The following TKT variants were observed in gnomAD, a reference collection of about 807,000 sequenced individuals.
TKT encodes transketolase, also known as epididymis luminal protein 107.
Under a neutral mutation model 63.9 loss-of-function variants are expected in TKT, and 47 were observed. That is an observed-to-expected ratio of 0.74 (90% CI 0.58 to 0.94). TKT has a LOEUF of 0.94. Ranked by LOEUF, TKT falls within the 40% of genes least tolerant of loss-of-function variation. TKT has a pLI of 0.00. For synonymous variants in TKT, 338 were observed against 334.1 expected (o/e 1.01, Z -0.13); for missense variants, 721 against 846.2 (o/e 0.85, Z 1.84).
Position 53,230,622 on chromosome 3 carries a change from CTG to C in TKT, c.943-3_943-2del. 3 of 1,614,090 alleles carry C rather than the reference CTG, an allele frequency of 1.9e-6. No homozygotes were observed. The highest frequency in any genetic ancestry group is 2.5e-6 in the Non-Finnish European group (3 of 1,179,978). On this transcript the variant is annotated splice_acceptor_variant and splice_polypyrimidine_tract_variant and intron_variant, in intron 7 of 13. Transcript: ENST00000462138. LOFTEE classifies it high-confidence loss of function. ...GCCCGTAGGCCTTGCGGGTGGCTATCTGTGAGGAAGAGAGTGGGAAGGCTCTG... is the reference window on the plus strand; with the variant it reads ...GCCCGTAGGCCTTGCGGGTGGCTATCTGAGGAAGAGAGTGGGAAGGCTCTG...
chr3:53,252,880 C>T (rs1204922046), intron 1 of TKT, among the ~76,000 whole-genome samples: 5 of 151,622 alleles, frequency 3.3e-5, no homozygotes, highest in African/African-American at 7.3e-5. Flanking sequence ...AATTTTGTTG[C>T]CCAGGCCAGA....
Position 53,225,409 on chromosome 3 carries a change from T to C in TKT, c.*347A>G, listed in dbSNP as rs1704455682. On this transcript the variant is annotated 3_prime_UTR_variant, in exon 14 of 14. Transcript: ENST00000462138. ...TGGACTGAGGTCACAATGAGGGATGTAGGTCTCAGCCTCTCAGCTAGAAGG... is the reference window on the plus strand; with the variant it reads ...TGGACTGAGGTCACAATGAGGGATGCAGGTCTCAGCCTCTCAGCTAGAAGG... 5.7e-6 allele frequency: 1 copy of C among 174,314 alleles called. No individual in the cohort carries two copies. The highest frequency in any genetic ancestry group is 1.2e-5 in the Non-Finnish European group (1 of 82,540). 10.8% of individuals were successfully genotyped at this position (174,314 alleles called of 1,614,324 possible). A position where few individuals can be genotyped will look rare whatever the true frequency, so the allele number is the denominator to read the frequency against.
intron 1 of TKT, among the ~76,000 whole-genome samples, chr3:53,251,590 GGC>G (rs1705749045): frequency 6.6e-6 from 1 of 152,210 alleles, no homozygotes; most frequent in Non-Finnish European, 1.5e-5. Context: ...GGTCAGCAAT[GGC>G]ATAGGAATGG....
At chr3:53,254,692 G>T (rs1221966307) in intron 1 of TKT, among the ~76,000 whole-genome samples, 1 of 152,162 alleles carries the variant, frequency 6.6e-6, no homozygotes, top group Non-Finnish European at 1.5e-5. Flanking sequence ...TAGAGCACTG[G>T]AGTCCTTGAA....
intron 12 of TKT, chr3:53,227,806 T>TC (rs1553675875): frequency 1.9e-5 from 8 of 419,080 alleles, no homozygotes; most frequent in East Asian, 5.1e-5. Context: ...GCCACCATGC[T>TC]GGGGGGGTCT....
intron 1 of TKT, 24 bp downstream of exon 1, chr3:53,255,811 TC>T (rs1553682196): frequency 4.9e-6 from 7 of 1,439,214 alleles, no homozygotes; most frequent in South Asian, 1.4e-5. Context: ...CCGAGCCGCG[TC>T]CCCGGCCGGC....
At chr3:53,247,249 T>C (rs7625237) in intron 1 of TKT, among the ~76,000 whole-genome samples, 100,338 of 149,408 alleles carry the variant, frequency 0.67, 34,102 homozygotes, top group Middle Eastern at 0.76. Context: ...CCCAGCTACT[T>C]GGGAGACTGA....
chr3:53,228,921 A>G, intron 10 of TKT, 86 bp downstream of exon 10: 4 of 1,557,684 alleles, frequency 2.6e-6, no homozygotes, highest in Non-Finnish European at 3.5e-6. Context: ...CCCCTGGGGC[A>G]GCAAGTGACC....
rs1704767626 is a variant in TKT, at chr3:53,231,666, TCATCCCAGACAGGCA to T, written c.749-131_749-117del. The T allele has an allele frequency of 6.1e-6, 7 of 1,150,758 alleles. No homozygotes were observed. The Admixed American group carries it at 8.0e-5, about 13-fold the overall frequency. 71.3% of individuals were successfully genotyped at this position (1,150,758 alleles called of 1,614,324 possible). A position where few individuals can be genotyped will look rare whatever the true frequency, so the allele number is the denominator to read the frequency against. ...TGCCGAGGGCAAGGGAGGAATGGCATCATCCCAGACAGGCAGAGCCCAGCCAGGCACGGGGGCCAG... is the reference window on the plus strand; with the variant it reads ...TGCCGAGGGCAAGGGAGGAATGGCATGAGCCCAGCCAGGCACGGGGGCCAG... On this transcript the variant is annotated intron_variant, in intron 6 of 13. Coordinates refer to ENST00000462138, the MANE Select transcript of TKT (RefSeq NM_001064.4).
intron 4 of TKT, among the ~76,000 whole-genome samples, chr3:53,238,765 G>C (rs1208747513): frequency 6.6e-6 from 1 of 152,210 alleles, no homozygotes. Context: ...GGATGGCCTA[G>C]GCCAGCATCT....
chr3:53,242,253 G>A lies in TKT; in HGVS notation c.108-11C>T. ...CATGACGTGGGGTGGCTGTGGCCCA[G>A]GAGAGAAGACAGACACAGGCATCAT... On this transcript the variant is annotated splice_polypyrimidine_tract_variant and intron_variant, in intron 1 of 13. Coordinates refer to ENST00000462138, the MANE Select transcript of TKT (RefSeq NM_001064.4). 6.2e-7 allele frequency: 1 copy of A among 1,613,120 alleles called. No individual in the cohort carries two copies. The highest frequency in any genetic ancestry group is 8.5e-7 in the Non-Finnish European group (1 of 1,179,410).
At position 53,235,032 on chromosome 3, in the gene TKT, G is replaced by C. The variant is rs782629032; in HGVS notation, c.580C>G (p.Pro194Ala). 1.9e-6 allele frequency: 3 copies of C among 1,613,782 alleles called. No homozygotes were observed. In the Admixed American group the frequency reaches 5.0e-5, roughly 27 times the overall value. Residue 194 changes from proline to alanine, a missense_variant, in exon 5 of 14, where the codon CCA becomes GCA. Pro to Ala is a conservative substitution (Grantham distance 27). Transcript: ENST00000462138. ...TAGATGTCCATCTGGTGCTGCAGTG[G>C]GGCCGGGTCACTCTGGCCCAGGCGA... ...INRLGQSDPA[P>A]LQHQMDIYQK...
At position 53,228,315 on chromosome 3, in the gene TKT, G is replaced by C. The variant is rs781900352; in HGVS notation, c.1440C>G (p.Ile480Met). 1.2e-6 allele frequency: 2 copies of C among 1,614,204 alleles called. No individual in the cohort carries two copies. The highest frequency in any genetic ancestry group is 1.3e-5 in the African/African-American group (1 of 75,046). The change falls in exon 11 of 14, where the codon ATC becomes ATG. Residue 480 changes from isoleucine (I) to methionine (M), a missense_variant. Ile to Met is a conservative substitution (Grantham distance 10). Transcript: ENST00000462138. ...CCTGGAAGTCCTCATTGTTGTTATA[G>C]ATGATGGCATTTTCTGGGCGGCTGG... ...IRTSRPENAI[I>M]YNNNEDFQVG...
At chr3:53,239,784 C>A (rs1705191609) in intron 4 of TKT, among the ~76,000 whole-genome samples, 1 of 152,162 alleles carries the variant, frequency 6.6e-6, no homozygotes, top group Non-Finnish European at 1.5e-5. Context: ...TACAGGTATC[C>A]CAGAACCCCT....
Position 53,248,666 on chromosome 3 carries a change from G to A in TKT, c.108-6424C>T, listed in dbSNP as rs529567888. Among the ~76,000 whole-genome samples the A allele has an allele frequency of 2.6e-5, 4 of 151,254 alleles. No homozygotes were observed. The South Asian group carries it at 8.4e-4, about 32-fold the overall frequency. ...AAAAAGGAACAAAGTACTGATTCAT[G>A]TTACAACATGGATGACCCTCTAAAA... On this transcript the variant is annotated intron_variant, in intron 1 of 13. Transcript: ENST00000462138.
At chr3:53,250,052 C>T (rs1553681441) in intron 1 of TKT, among the ~76,000 whole-genome samples, 1 of 152,226 alleles carries the variant, frequency 6.6e-6, no homozygotes, top group African/African-American at 2.4e-5. Flanking sequence ...CTGTACTTCA[C>T]TTCCAGTTTC....
intron 6 of TKT, chr3:53,232,457 G>A: frequency 2.5e-6 from 1 of 398,976 alleles, no homozygotes; most frequent in Non-Finnish European, 4.4e-6. Flanking sequence ...CATTTGGCAG[G>A]GAAGCCGACC....
chr3:53,232,277 A>T (rs1281050816), intron 6 of TKT: 1 of 398,270 alleles, frequency 2.5e-6, no homozygotes, highest in Non-Finnish European at 4.4e-6. Flanking sequence ...AGTGCCAGGC[A>T]GCAGCACCAA....
Position 53,226,835 on chromosome 3 carries a change from G to T in TKT, c.1617C>A (p.Pro539=), listed in dbSNP as rs782637380. 6.2e-7 allele frequency: 1 copy of T among 1,613,906 alleles called. No individual in the cohort carries two copies. The highest frequency in any genetic ancestry group is 8.5e-7 in the Non-Finnish European group (1 of 1,179,880). Residue 539 remains proline (P), a synonymous_variant, in exon 13 of 14, where the codon CCC becomes CCA. Coordinates refer to ENST00000462138, the MANE Select transcript of TKT (RefSeq NM_001064.4). ...IRVLDPFTIK[P]LDRKLILDSA... is the part of the protein sequence containing the mutation. ...TGTCGAGAATGAGTTTTCTGTCCAG[G>T]GGCTTGATGGTGAAGGGGTCCAGCA... is the stretch of plus-strand genomic sequence containing the variant.
Sources: gnomAD v4.1 joint callset for allele counts (sites outside exome capture counted in the v4.1 genomes callset) on GRCh38, gnomAD v4.1.1 for gene constraint, MANE v1.5 for transcripts, NCBI Gene and HGNC (gene_info 2026-07-23, HGNC 2026-07-21) for gene names.